The following TIAM2 variants were observed in gnomAD, a reference collection of about 807,000 sequenced individuals.
TIAM2 encodes rho guanine nucleotide exchange factor TIAM2.
TIAM2 carries 80 observed loss-of-function variants against 152.9 expected under a neutral mutation model. The observed-to-expected ratio is 0.52, with a 90% CI of 0.44 to 0.63. TIAM2 has a LOEUF of 0.63. Ranked by LOEUF, TIAM2 falls within the 30% of genes least tolerant of loss-of-function variation. The pLI is 0.00. For synonymous variants in TIAM2, 804 were observed against 838.0 expected (o/e 0.96, Z 0.70); for missense variants, 1,965 against 2,120.1 (o/e 0.93, Z 1.44).
At chr6:155,155,649 A>G (rs942848588) in intron 7 of TIAM2, among the ~76,000 whole-genome samples, 2 of 151,554 alleles carry the variant, frequency 1.3e-5, no homozygotes, top group African/African-American at 4.9e-5. Context: ...AAATTTTTGT[A>G]TTTTTTGTAG....
At chr6:155,079,425 C>T (rs1778017339) in intron 1 of TIAM2, among the ~76,000 whole-genome samples, 1 of 152,112 alleles carries the variant, frequency 6.6e-6, no homozygotes, top group Non-Finnish European at 1.5e-5. Flanking sequence ...GTCTTTTTTC[C>T]CCTTTGGCTC....
intron 1 of TIAM2, among the ~76,000 whole-genome samples, chr6:155,038,331 C>A (rs1381945686): frequency 6.6e-6 from 1 of 152,156 alleles, no homozygotes; most frequent in African/African-American, 2.4e-5. Context: ...GATGGGATGC[C>A]TGGGGTTAGA....
In TIAM2 at chr6:155,202,883, C is replaced by T. The variant is rs1026501036; in HGVS notation, c.3065-8321C>T. On this transcript the variant is annotated intron_variant, in intron 14 of 26. Transcript: ENST00000682666. ...CAAAACCCCATCTCTACTAAAAATA[C>T]AAAAAAAAAAAAAAAAAAAATTAGC... 3.7e-5 allele frequency among the ~76,000 whole-genome samples: 4 copies of T among 109,148 alleles called. No homozygotes were observed. The East Asian group carries it at 1.3e-3, about 36-fold the overall frequency. The allele number at this position is 109,148 out of a possible 152,430, so 71.6% of individuals were successfully genotyped here. A position where few individuals can be genotyped will look rare whatever the true frequency, so the allele number is the denominator to read the frequency against.
At chr6:155,018,429 G>A (rs1778636919) in intron 1 of TIAM2, among the ~76,000 whole-genome samples, 1 of 151,684 alleles carries the variant, frequency 6.6e-6, no homozygotes, top group African/African-American at 2.4e-5. Flanking sequence ...AGACCAGCCT[G>A]GCCAACACAG....
intron 1 of TIAM2, among the ~76,000 whole-genome samples, chr6:155,058,287 C>T (rs530349570): frequency 6.6e-6 from 1 of 152,248 alleles, no homozygotes; most frequent in South Asian, 2.1e-4. Context: ...TGTCAAGTGG[C>T]TCCATCTCAG....
intron 1 of TIAM2, among the ~76,000 whole-genome samples, chr6:155,059,666 G>T (rs1312475352): frequency 6.6e-6 from 1 of 152,072 alleles, no homozygotes; most frequent in African/African-American, 2.4e-5. Context: ...ATGGATTTTG[G>T]ACAGAATATC....
At chr6:155,225,810 T>C (rs1782221945) in intron 15 of TIAM2, among the ~76,000 whole-genome samples, 1 of 152,182 alleles carries the variant, frequency 6.6e-6, no homozygotes, top group Non-Finnish European at 1.5e-5. Context: ...CATATAAGAT[T>C]ATCATTATTT....
At chr6:155,172,661 T>TATATATATATAGATATATAG (rs1554237118) in intron 9 of TIAM2, among the ~76,000 whole-genome samples, 58 of 8,276 alleles carry the variant, frequency 7.0e-3, no homozygotes, top group African/African-American at 0.02. Flanking sequence ...TATATATATA[T>TATATATATATAGATATATAG]ATATATATAT....
rs139981494 is a variant in TIAM2, at chr6:155,119,349, C to CT, written c.-117-8131dup. Among the ~76,000 whole-genome samples the CT allele has an allele frequency of 1.6e-3, 234 of 144,782 alleles. 1 individual carries two copies. The highest frequency in any genetic ancestry group is 2.6e-3 in the Admixed American group (37 of 14,476). The allele number at this position is 144,782 out of a possible 152,430, so 95.0% of individuals were successfully genotyped here. The stretch of plus-strand genomic sequence containing the variant: ...TGCACCTGGCCCTGACTCTTCTTTT[C>CT]TTTTTTTTTTGAGTGAGAATCTCTT... On this transcript the variant is annotated intron_variant, in intron 2 of 26. Coordinates refer to ENST00000682666, the MANE Select transcript of TIAM2 (RefSeq NM_012454.4).
At position 155,186,222 on chromosome 6, in the gene TIAM2, C is replaced by G. The variant is rs1275312002; in HGVS notation, c.3064+2722C>G. ...TTTTGAGTCAGACGTGGGTTCAGGT[C>G]CTGGGCTGCCCTATACTGGTTTTTT... On this transcript the variant is annotated intron_variant, in intron 14 of 26. Coordinates refer to ENST00000682666, the MANE Select transcript of TIAM2 (RefSeq NM_012454.4). The surrounding 1 kb of genome is among the most constrained non-coding windows in gnomAD (Gnocchi z 4.5). Among the ~76,000 whole-genome samples, 1 of 152,136 alleles carries G rather than the reference C, an allele frequency of 6.6e-6. No homozygotes were observed. The highest frequency in any genetic ancestry group is 1.5e-5 in the Non-Finnish European group (1 of 68,034).
At chr6:155,083,097 C>T (rs1778103642) in intron 1 of TIAM2, among the ~76,000 whole-genome samples, 1 of 152,020 alleles carries the variant, frequency 6.6e-6, no homozygotes, top group African/African-American at 2.4e-5. Context: ...CCTGTAATCC[C>T]AGCGCTTTGG....
intron 9 of TIAM2, chr6:155,169,051 A>G: frequency 2.5e-6 from 2 of 798,020 alleles, no homozygotes. Context: ...GCTGGAGTGC[A>G]GTGGCACGAT....
At chr6:155,153,444 A>G (rs957497181) in intron 7 of TIAM2, among the ~76,000 whole-genome samples, 2 of 151,968 alleles carry the variant, frequency 1.3e-5, no homozygotes, top group South Asian at 2.1e-4. Context: ...CTATTTCTGA[A>G]AAAGAAAAAA....
At chr6:155,109,016 CT>C (rs1188888911) in intron 2 of TIAM2, among the ~76,000 whole-genome samples, 1 of 152,128 alleles carries the variant, frequency 6.6e-6, no homozygotes, top group Non-Finnish European at 1.5e-5. Flanking sequence ...CAGAGTCTCA[CT>C]CTGTCGCCCA....
At chr6:155,027,228 G>T (rs746773325) in intron 1 of TIAM2, among the ~76,000 whole-genome samples, 1 of 151,368 alleles carries the variant, frequency 6.6e-6, no homozygotes, top group East Asian at 1.9e-4. Flanking sequence ...GTTTCACCAT[G>T]TTGGCCAGGA....
chr6:155,107,779 T>G (rs1778734475), intron 2 of TIAM2, among the ~76,000 whole-genome samples: 1 of 152,190 alleles, frequency 6.6e-6, no homozygotes, highest in South Asian at 2.1e-4. Flanking sequence ...AGAGGAGTGA[T>G]TGATTCATAT....
intron 14 of TIAM2, among the ~76,000 whole-genome samples, chr6:155,199,105 CAG>C (rs1197417689): frequency 1.3e-5 from 2 of 151,398 alleles, no homozygotes; most frequent in Non-Finnish European, 2.9e-5. Flanking sequence ...GTTTTTAAGA[CAG>C]AGTCTCGCTT....
intron 7 of TIAM2, among the ~76,000 whole-genome samples, chr6:155,151,412 T>C (rs2352151): frequency 0.46 from 70,112 of 151,822 alleles, 16,718 homozygotes; most frequent in Middle Eastern, 0.56. Context: ...ATTTACACTA[T>C]ACCCATAAAT....
At chr6:155,150,765 TA>T (rs67239509) in intron 7 of TIAM2, among the ~76,000 whole-genome samples, 70,176 of 151,844 alleles carry the variant, frequency 0.46, 16,778 homozygotes, top group Middle Eastern at 0.56. Context: ...AGCATCTTCT[TA>T]ACTGTATTCT....
Sources: allele counts gnomAD v4.1 joint callset (sites outside exome capture counted in the v4.1 genomes callset), GRCh38; gene constraint gnomAD v4.1.1; non-coding constraint Gnocchi (gnomAD v3.1); transcripts MANE v1.5; gene names NCBI Gene and HGNC (gene_info 2026-07-23, HGNC 2026-07-21).